Variants in SLC14A2 observed in about 807,000 individuals in gnomAD.
The protein encoded by SLC14A2 is urea transporter 2.
In SLC14A2, 91 loss-of-function variants were observed where a neutral mutation model predicts 104.6. The observed-to-expected ratio is 0.87, with a 90% CI of 0.73 to 1.04. The LOEUF (loss-of-function observed/expected upper bound fraction) is 1.04. Among genes scored for constraint, SLC14A2 ranks in the 50% least tolerant of loss-of-function variants. The pLI is 0.00. For synonymous variants in SLC14A2, 476 were observed against 466.4 expected, an observed-to-expected ratio of 1.02 and a Z score of -0.27; for missense variants, 1,189 against 1,156.0, an observed-to-expected ratio of 1.03 and a Z score of -0.41.
chr18:45,663,813 A>T lies in SLC14A2; in HGVS notation c.1380A>T (p.Ala460=). 1 of 1,613,090 alleles carries T rather than the reference A, an allele frequency of 6.2e-7. No homozygotes were observed. The highest frequency in any genetic ancestry group is 2.2e-5 in the East Asian group (1 of 44,846). The change falls in exon 11 of 20, where the codon GCA becomes GCT. Residue 460 remains alanine, a synonymous_variant. Transcript: ENST00000255226. The part of the protein sequence containing the change: ...SGGGGEHPPT[A]GPKVEEGSEA... ...GCGGTGGGGAGCATCCACCCACAGC[A>T]GGCCCAAAGGTGGAGGAGGGCTCGG...
At chr18:45,338,809 C>A (rs764073841) in intron 1 of SLC14A2, among the ~76,000 whole-genome samples, 3 of 151,392 alleles carry the variant, frequency 2.0e-5, no homozygotes, top group Admixed American at 1.3e-4. Flanking sequence ...GAAGCAGATG[C>A]AGCAATATTC....
chr18:45,304,751 C>G lies in SLC14A2; in HGVS notation c.-125+91560C>G, dbSNP rs551427186. ...ACTACACAGTCCTACCCCAGGGACC[C>G]TGAGATGTAGATAACAGTCAGGATA... On this transcript the variant is annotated intron_variant, in intron 1 of 20. Transcript: ENST00000586448. Among the ~76,000 whole-genome samples the G allele has an allele frequency of 3.9e-5, 6 of 152,230 alleles. No homozygotes were observed. In the East Asian group the frequency reaches 1.2e-3, roughly 29 times the overall value.
chr18:45,581,252 G>A (rs553596644), intron 2 of SLC14A2, among the ~76,000 whole-genome samples: 15 of 152,322 alleles, frequency 9.8e-5, no homozygotes, highest in African/African-American at 3.6e-4. Context: ...TCTCATGGAC[G>A]TGGGCCACCC....
At chr18:45,648,972 C>A (rs1249160971) in intron 10 of SLC14A2, among the ~76,000 whole-genome samples, 1 of 152,096 alleles carries the variant, frequency 6.6e-6, no homozygotes, top group African/African-American at 2.4e-5. Context: ...GAGATAGAGA[C>A]CATCCTGGCT....
intron 1 of SLC14A2, among the ~76,000 whole-genome samples, chr18:45,257,531 A>G (rs2084491918): frequency 6.6e-6 from 1 of 152,232 alleles, no homozygotes; most frequent in Admixed American, 6.5e-5. Flanking sequence ...ATTTTAATCA[A>G]ATAATGAGCT....
chr18:45,188,977 C>T, the SLC14A2 span, among the ~76,000 whole-genome samples: 12 of 152,260 alleles, frequency 7.9e-5, no homozygotes, highest in South Asian at 2.1e-4. Context: ...AATGATTCTA[C>T]GAATATTTTT....
intron 1 of SLC14A2, among the ~76,000 whole-genome samples, chr18:45,388,708 C>T (rs1598745301): frequency 6.6e-6 from 1 of 152,172 alleles, no homozygotes; most frequent in East Asian, 1.9e-4. Flanking sequence ...CAGATACCAA[C>T]TAGACAGAAG....
chr18:45,214,902 G>A (rs1430452975), intron 1 of SLC14A2, among the ~76,000 whole-genome samples: 2 of 127,862 alleles, frequency 1.6e-5, no homozygotes, highest in Admixed American at 1.8e-4. Flanking sequence ...AGTATCTATC[G>A]GACCATGTCT....
At chr18:45,335,130 A>T (rs2085326562) in intron 1 of SLC14A2, among the ~76,000 whole-genome samples, 1 of 152,086 alleles carries the variant, frequency 6.6e-6, no homozygotes, top group Admixed American at 6.6e-5. Context: ...CCCCCAAATT[A>T]TCTTATGCCC....
At chr18:45,550,683 T>C (rs369784919) in intron 2 of SLC14A2, among the ~76,000 whole-genome samples, 4 of 152,318 alleles carry the variant, frequency 2.6e-5, no homozygotes, top group African/African-American at 7.2e-5. Context: ...GGCAATTTCA[T>C]TGACATTATA....
chr18:45,175,336 A>G, the SLC14A2 span, among the ~76,000 whole-genome samples: 1 of 152,106 alleles, frequency 6.6e-6, no homozygotes, highest in Non-Finnish European at 1.5e-5. Flanking sequence ...AAGCTCCCCA[A>G]GATATTTTTT....
intron 1 of SLC14A2, among the ~76,000 whole-genome samples, chr18:45,278,229 T>C (rs7239384): frequency 0.016 from 2,432 of 152,302 alleles, 81 homozygotes; most frequent in African/African-American, 0.056. Context: ...GACATTCTTG[T>C]GCTTTTGGTG....
chr18:45,343,411 A>G (rs910264264), intron 1 of SLC14A2, among the ~76,000 whole-genome samples: 11 of 151,858 alleles, frequency 7.2e-5, no homozygotes, highest in African/African-American at 2.7e-4. Context: ...GAATGCTCCC[A>G]TGACAGTCTC....
chr18:45,419,634 T>C (rs1475827889), intron 1 of SLC14A2, among the ~76,000 whole-genome samples: 3 of 151,956 alleles, frequency 2.0e-5, no homozygotes, highest in Non-Finnish European at 1.5e-5. Flanking sequence ...ATTAGTCAGG[T>C]GTGGTGGCGC....
At chr18:45,189,019 G>A in the SLC14A2 span, among the ~76,000 whole-genome samples, 7 of 152,316 alleles carry the variant, frequency 4.6e-5, no homozygotes, top group Admixed American at 4.6e-4. Context: ...CAGTGTGCTA[G>A]TTTGTTACAT....
chr18:45,372,285 C>A (rs1055496192), intron 1 of SLC14A2, among the ~76,000 whole-genome samples: 1 of 151,134 alleles, frequency 6.6e-6, no homozygotes, highest in Non-Finnish European at 1.5e-5. Context: ...GCACTCCAGC[C>A]TGGACAACAA....
intron 1 of SLC14A2, among the ~76,000 whole-genome samples, chr18:45,295,297 A>G (rs907945218): frequency 2.2e-4 from 32 of 147,186 alleles, no homozygotes; most frequent in African/African-American, 7.6e-4. Context: ...ATACATTTTT[A>G]AAGCATTTTT....
At chr18:45,595,487 A>G (rs2044708441) in intron 2 of SLC14A2, among the ~76,000 whole-genome samples, 1 of 152,112 alleles carries the variant, frequency 6.6e-6, no homozygotes, top group Non-Finnish European at 1.5e-5. Flanking sequence ...TTGCCACTGC[A>G]TTTAGACTGT....
At chr18:45,431,697 A>G (rs911678544) in intron 1 of SLC14A2, among the ~76,000 whole-genome samples, 5 of 152,192 alleles carry the variant, frequency 3.3e-5, no homozygotes, top group African/African-American at 1.2e-4. Flanking sequence ...AATGTGCTTC[A>G]GGCACAGGAA....
Sources: gnomAD v4.1 joint callset for allele counts (sites outside exome capture counted in the v4.1 genomes callset) on GRCh38, gnomAD v4.1.1 for gene constraint, MANE v1.5 for transcripts, NCBI Gene and HGNC (gene_info 2026-07-23, HGNC 2026-07-21) for gene names.